The following SUN1 variants were observed in gnomAD, a reference collection of about 807,000 sequenced individuals.
SUN1 encodes SUN domain-containing protein 1.
SUN1 carries 61 observed loss-of-function variants against 103.2 expected under a neutral mutation model. The observed-to-expected ratio is 0.59, with a 90% confidence interval of 0.48 to 0.73. SUN1 has a LOEUF of 0.73. Among genes scored for constraint, SUN1 ranks in the 30% least tolerant of loss-of-function variants. The probability of loss-of-function intolerance (pLI) is 0.00; values close to 1 mark genes in which losing one functional copy is unlikely to be tolerated. For missense variants in SUN1, 1,052 were observed against 1,034.6 expected (o/e 1.02, Z -0.23); for synonymous variants, 490 against 425.7 (o/e 1.15, Z -1.86).
At chr7:860,945 A>G (rs928546566) in intron 14 of SUN1, among the ~76,000 whole-genome samples, 1 of 151,994 alleles carries the variant, frequency 6.6e-6, no homozygotes, top group Non-Finnish European at 1.5e-5. Flanking sequence ...AGTTTCCCCC[A>G]CCCGCTCCCT....
At chr7:849,916 C>A in intron 5 of SUN1, 1 of 1,591,308 alleles carries the variant, frequency 6.3e-7, no homozygotes, top group African/African-American at 1.3e-5. Flanking sequence ...TGTCACCACA[C>A]CTGCAGGCGA....
At chr7:852,779 C>CTGTG (rs751336709) in intron 8 of SUN1, 31 bp from the exon 9 acceptor site, 3 of 1,610,366 alleles carry the variant, frequency 1.9e-6, no homozygotes, top group Non-Finnish European at 2.5e-6. Context: ...CGTGGTGTAC[C>CTGTG]TGTGTGTGTG....
chr7:821,431 G>A (rs1287672946), intron 1 of SUN1, among the ~76,000 whole-genome samples: 2 of 152,100 alleles, frequency 1.3e-5, no homozygotes, highest in African/African-American at 4.8e-5. Context: ...GCCTCCCAAA[G>A]TGCTGGGATT....
chr7:869,913 C>T (rs1840183282), intron 17 of SUN1, among the ~76,000 whole-genome samples: 1 of 152,052 alleles, frequency 6.6e-6, no homozygotes, highest in Non-Finnish European at 1.5e-5. Flanking sequence ...TTCACCATGC[C>T]TTTAAAAAAT....
intron 1 of SUN1, among the ~76,000 whole-genome samples, chr7:818,966 C>T (rs1236380730): frequency 1.3e-5 from 2 of 152,008 alleles, no homozygotes; most frequent in African/African-American, 2.4e-5. Context: ...CGGGCTCAAG[C>T]GATTCTCCTG....
chr7:835,065 G>A (rs765594774), intron 1 of SUN1, among the ~76,000 whole-genome samples: 6 of 152,222 alleles, frequency 3.9e-5, no homozygotes, highest in Non-Finnish European at 7.3e-5. Context: ...GACGGTGTGA[G>A]GCTCTGTCTC....
chr7:845,114 C>G (rs778061315), intron 5 of SUN1, among the ~76,000 whole-genome samples: 1 of 152,172 alleles, frequency 6.6e-6, no homozygotes, highest in Non-Finnish European at 1.5e-5. Context: ...GCCACCGAAA[C>G]GTGCTGTTTT....
At position 873,450 on chromosome 7, in the gene SUN1, C is replaced by T. The variant is rs1842996584; in HGVS notation, c.*119C>T. ...GACAGTGCCACACTCCTTCAATAAA[C>T]GTGGCTGCTGGCCAGAGGACGTGAG... is the stretch of plus-strand genomic sequence containing the variant. On this transcript the variant is annotated 3_prime_UTR_variant, in exon 19 of 19. Coordinates refer to ENST00000401592, the MANE Select transcript of SUN1 (RefSeq NM_001130965.3). The T allele has an allele frequency of 4.9e-6, 5 of 1,021,778 alleles. No individual in the cohort carries two copies. Among genetic ancestry groups the T allele is most frequent in the Admixed American group, 2.1e-5 (1 of 47,728 alleles). 63.3% of individuals were successfully genotyped at this position (1,021,778 alleles called of 1,614,324 possible).
rs1008013760 is a variant in SUN1, at chr7:839,741, C to T, written c.266+755C>T. ...CTAATTTTTGTATTTTTAGTAGAGA[C>T]GCGGTTTTCACCATGTTGGCCAGGC... On this transcript the variant is annotated intron_variant, in intron 2 of 18. Transcript: ENST00000401592. Among the ~76,000 whole-genome samples, 5 of 49,864 alleles carry T rather than the reference C, an allele frequency of 1.0e-4. 2 individuals carry two copies. The highest frequency in any genetic ancestry group is 1.7e-4 in the Non-Finnish European group (4 of 24,030). The allele number at this position is 49,864 out of a possible 152,430, so 32.7% of individuals were successfully genotyped here. A position where few individuals can be genotyped will look rare whatever the true frequency, so the allele number is the denominator to read the frequency against.
chr7:852,557 G>A (rs1337893492), intron 7 of SUN1, 52 bp from the exon 8 acceptor site: 1 of 1,608,382 alleles, frequency 6.2e-7, no homozygotes, highest in Non-Finnish European at 8.5e-7. Flanking sequence ...ACAGATTGGT[G>A]AACCCTGACT....
intron 1 of SUN1, among the ~76,000 whole-genome samples, chr7:820,875 C>T (rs192254746): frequency 6.6e-6 from 1 of 152,250 alleles, no homozygotes; most frequent in African/African-American, 2.4e-5. Context: ...TTCCATCTTA[C>T]ACCCTCACTT....
At chr7:853,792 C>T (rs1263191103) in intron 10 of SUN1, among the ~76,000 whole-genome samples, 174 bp downstream of exon 10, 1 of 152,192 alleles carries the variant, frequency 6.6e-6, no homozygotes, top group Non-Finnish European at 1.5e-5. Context: ...GGTTTCCCGT[C>T]GTCTGCCGAT....
chr7:815,740 C>G (rs1032013728), upstream of SUN1: 1 of 170,590 alleles, frequency 5.9e-6, no homozygotes, highest in African/African-American at 2.4e-5. Context: ...GCGTTTCCAT[C>G]AGCAGGGGCC....
intron 1 of SUN1, chr7:817,340 C>T (rs1005174713): frequency 7.3e-7 from 1 of 1,369,584 alleles, no homozygotes; most frequent in Non-Finnish European, 1.0e-6. Flanking sequence ...CCCCTCGCCC[C>T]AGCCTGCCTG....
chr7:866,046 G>T lies in SUN1; in HGVS notation c.1959G>T (p.Gln653His). 6.2e-7 allele frequency: 1 copy of T among 1,614,112 alleles called. No homozygotes were observed. The highest frequency in any genetic ancestry group is 1.3e-5 in the African/African-American group (1 of 75,030). Residue 653 changes from glutamine to histidine, a missense_variant, in exon 16 of 19, where the codon CAG becomes CAT. Gln to His is a conservative substitution (Grantham distance 24, BLOSUM62 0). Around this residue, in one of 2 missense-constraint regions of SUN1, gnomAD observed 206 missense variants for 260.1 expected, o/e 0.79. Coordinates refer to ENST00000401592, the MANE Select transcript of SUN1 (RefSeq NM_001130965.3). ...GGATCCCGCTGTGGTACTTCTCGCA[G>T]TCCCCGCGCGTGGTCATCCAGGTGA... ...LFGIPLWYFSQSPRVVIQPDI... is the reference protein window; with the variant it reads ...LFGIPLWYFSHSPRVVIQPDI...
rs139112134 is a variant in SUN1 at position 849,955 on chromosome 7, G to A, written c.659-1429G>A. 9,138 of 1,601,356 alleles carry A rather than the reference G, an allele frequency of 5.7e-3. 35 individuals carry two copies. Among genetic ancestry groups the A allele is most frequent in the Non-Finnish European group, 6.7e-3 (7,907 of 1,178,154 alleles). On this transcript the variant is annotated intron_variant, in intron 5 of 18. Coordinates refer to ENST00000401592, the MANE Select transcript of SUN1 (RefSeq NM_001130965.3). ...CTGTAAGGGCAAGAGGCACCTCGACGCGCACACAGCCGCCCACTCGCAGTC... is the reference window on the plus strand; with the variant it reads ...CTGTAAGGGCAAGAGGCACCTCGACACGCACACAGCCGCCCACTCGCAGTC...
chr7:836,068 G>A (rs955693058), intron 1 of SUN1, among the ~76,000 whole-genome samples: 1 of 152,246 alleles, frequency 6.6e-6, no homozygotes, highest in Admixed American at 6.5e-5. Context: ...GGAGCGAGCC[G>A]AAACTAGCCG....
chr7:851,487 CT>C lies in SUN1; in HGVS notation c.757+6del. 6.3e-7 allele frequency: 1 copy of C among 1,599,428 alleles called. No individual in the cohort carries two copies. The highest frequency in any genetic ancestry group is 8.5e-7 in the Non-Finnish European group (1 of 1,172,822). ...GGCTGGCCGTGGTTGCTCCAGGTGGCTATTTTGGGTTTCTGTGTTGCGTTCT... is the reference window on the plus strand; with the variant it reads ...GGCTGGCCGTGGTTGCTCCAGGTGGCATTTTGGGTTTCTGTGTTGCGTTCT... On this transcript the variant is annotated splice_donor_region_variant and intron_variant, in intron 6 of 18. Coordinates refer to ENST00000401592, the MANE Select transcript of SUN1 (RefSeq NM_001130965.3).
intron 5 of SUN1, among the ~76,000 whole-genome samples, chr7:844,280 G>A (rs1051088246): frequency 4.5e-4 from 68 of 152,304 alleles, no homozygotes; most frequent in African/African-American, 1.5e-3. Flanking sequence ...TGGGACCCTC[G>A]GCCGGGCCGG....
Sources: gnomAD v4.1 joint callset for allele counts (sites outside exome capture counted in the v4.1 genomes callset) on GRCh38, gnomAD v4.1.1 for gene constraint, gnomAD v4.1.1 regional missense constraint, MANE v1.5 for transcripts, NCBI Gene and HGNC (gene_info 2026-07-23, HGNC 2026-07-21) for gene names.